The following TP63 variants were observed in gnomAD, a reference collection of about 807,000 sequenced individuals.
TP63 encodes the protein tumor protein 63.
TP63 carries 17 observed loss-of-function variants against 82.8 expected under a neutral mutation model. The observed-to-expected ratio is 0.21, with a 90% CI of 0.14 to 0.31. TP63 has a LOEUF of 0.31. Among genes scored for constraint, TP63 ranks in the 10% least tolerant of loss-of-function variants. The pLI, the probability that TP63 is intolerant of heterozygous loss-of-function variation, is 1.00. For synonymous variants in TP63, 330 were observed against 321.7 expected (o/e 1.03, Z -0.28); for missense variants, 648 against 895.3 (o/e 0.72, Z 3.52).
intron 1 of TP63, among the ~76,000 whole-genome samples, chr3:189,682,020 A>G (rs1236647547): frequency 6.6e-6 from 1 of 152,118 alleles, no homozygotes; most frequent in Non-Finnish European, 1.5e-5. Flanking sequence ...ATCACCTGAG[A>G]ACAGGAGTCC....
chr3:189,656,960 A>G (rs1335484210), intron 1 of TP63, among the ~76,000 whole-genome samples: 2 of 133,592 alleles, frequency 1.5e-5, no homozygotes, highest in East Asian at 4.2e-4. Context: ...ACTGCAGTGC[A>G]TCCCATTCAT....
chr3:189,867,135 T>C (rs994294206), intron 6 of TP63, among the ~76,000 whole-genome samples: 1 of 152,156 alleles, frequency 6.6e-6, no homozygotes, highest in African/African-American at 2.4e-5. Flanking sequence ...TAGTAGTGGA[T>C]GCAAGTGTTA....
chr3:189,766,718 A>T (rs1217030489), intron 3 of TP63, among the ~76,000 whole-genome samples: 1 of 152,262 alleles, frequency 6.6e-6, no homozygotes, highest in Non-Finnish European at 1.5e-5. Context: ...TTTAAAAAAA[A>T]TACAGTGGTA....
chr3:189,758,262 G>A (rs1268348087), intron 3 of TP63, among the ~76,000 whole-genome samples: 1 of 152,176 alleles, frequency 6.6e-6, no homozygotes, highest in East Asian at 1.9e-4. Context: ...ACAGGAGGTG[G>A]GGTTCCAGTG....
At chr3:189,733,923 T>C (rs1048504320) in intron 1 of TP63, among the ~76,000 whole-genome samples, 4 of 152,150 alleles carry the variant, frequency 2.6e-5, no homozygotes, top group Non-Finnish European at 5.9e-5. Flanking sequence ...AGGGACCTCC[T>C]TAATTCTCAT....
rs2108807268 is a variant in TP63 at position 189,868,729 on chromosome 3, A to G, written c.1129+13A>G. 1.1e-5 allele frequency: 18 copies of G among 1,613,804 alleles called. No individual in the cohort carries two copies. Among genetic ancestry groups the G allele is most frequent in the Non-Finnish European group, 1.5e-5 (18 of 1,179,824 alleles). ...GGTACGAAGCGCCGTAAGTAGATGTAGTGGCCAAATGGGGTAGGGTTGAAT... is the reference window on the plus strand; with the variant it reads ...GGTACGAAGCGCCGTAAGTAGATGTGGTGGCCAAATGGGGTAGGGTTGAAT... On this transcript the variant is annotated intron_variant, in intron 8 of 13. Transcript: ENST00000264731.
intron 3 of TP63, among the ~76,000 whole-genome samples, chr3:189,770,267 A>G (rs576305376): frequency 1.8e-4 from 27 of 152,294 alleles, no homozygotes; most frequent in African/African-American, 5.5e-4. Context: ...TTCATCTGGA[A>G]TGTGTAAATA....
At chr3:189,759,852 G>A (rs148254818) in intron 3 of TP63, among the ~76,000 whole-genome samples, 1,820 of 152,276 alleles carry the variant, frequency 0.012, 15 homozygotes, top group Middle Eastern at 0.02. Context: ...AAAGAAAGAG[G>A]TTTATTGGAC....
At chr3:189,598,733 G>T in the TP63 span, among the ~76,000 whole-genome samples, 1 of 152,206 alleles carries the variant, frequency 6.6e-6, no homozygotes, top group Non-Finnish European at 1.5e-5. Flanking sequence ...GAGTGTTGGC[G>T]CAGCCTGGCC....
chr3:189,605,898 G>T, the TP63 span, among the ~76,000 whole-genome samples: 1 of 152,116 alleles, frequency 6.6e-6, no homozygotes, highest in Non-Finnish European at 1.5e-5. Context: ...TTGAGCTTTG[G>T]TGTTCATAGT....
At chr3:189,617,465 C>T in the TP63 span, among the ~76,000 whole-genome samples, 7 of 152,204 alleles carry the variant, frequency 4.6e-5, no homozygotes, top group African/African-American at 1.7e-4. Flanking sequence ...TTTTTATCTG[C>T]TCTAGCAAAG....
At chr3:189,764,173 C>T (rs1722774737) in intron 3 of TP63, among the ~76,000 whole-genome samples, 2 of 151,998 alleles carry the variant, frequency 1.3e-5, no homozygotes, top group African/African-American at 4.8e-5. Context: ...CAGATAAGGC[C>T]CTATGAATTG....
intron 1 of TP63, among the ~76,000 whole-genome samples, chr3:189,731,233 G>T (rs1577317942): frequency 6.6e-6 from 1 of 152,032 alleles, no homozygotes; most frequent in Admixed American, 6.5e-5. Context: ...AATCCCAGCT[G>T]CTCAGGAGGC....
chr3:189,785,127 G>A (rs772663095), intron 3 of TP63, among the ~76,000 whole-genome samples: 5 of 151,874 alleles, frequency 3.3e-5, no homozygotes, highest in Admixed American at 6.6e-5. Flanking sequence ...CTTGAGATAC[G>A]GAGCTTGAAT....
chr3:189,745,894 A>T (rs1021904880), intron 3 of TP63, among the ~76,000 whole-genome samples: 9 of 149,266 alleles, frequency 6.0e-5, no homozygotes, highest in African/African-American at 1.2e-4. Context: ...CAGAAGAATT[A>T]AAAAAAATCA....
chr3:189,675,198 C>T (rs1231091285), intron 1 of TP63, among the ~76,000 whole-genome samples: 1 of 152,050 alleles, frequency 6.6e-6, no homozygotes, highest in African/African-American at 2.4e-5. Context: ...AAGTCCCAGT[C>T]ATGAGAGCTC....
At chr3:189,649,413 A>G (rs1712695898) in intron 1 of TP63, among the ~76,000 whole-genome samples, 1 of 147,018 alleles carries the variant, frequency 6.8e-6, no homozygotes, top group South Asian at 2.2e-4. Flanking sequence ...ATAAGTGGAA[A>G]CTAAATGATG....
intron 1 of TP63, among the ~76,000 whole-genome samples, chr3:189,632,953 T>C (rs2108603748): frequency 6.6e-6 from 1 of 152,222 alleles, no homozygotes; most frequent in Middle Eastern, 3.4e-3. Flanking sequence ...AGTAACTGTG[T>C]AATGCTACTC....
At chr3:189,868,272 T>G (rs191848590) in intron 7 of TP63, among the ~76,000 whole-genome samples, 1 of 152,330 alleles carries the variant, frequency 6.6e-6, no homozygotes, top group Admixed American at 6.5e-5. Flanking sequence ...CTTAGGGGAT[T>G]TTATCCTTGA....
Sources: allele counts gnomAD v4.1 joint callset (sites outside exome capture counted in the v4.1 genomes callset), GRCh38; gene constraint gnomAD v4.1.1; transcripts MANE v1.5; gene names NCBI Gene and HGNC (gene_info 2026-07-23, HGNC 2026-07-21).